The following EPHA5 variants were observed in gnomAD, a reference collection of about 807,000 sequenced individuals.
The protein encoded by EPHA5 is EPH receptor A5.
In EPHA5, 60 loss-of-function variants were observed where a neutral mutation model predicts 105.0. That is an observed-to-expected ratio of 0.57 (90% CI 0.46 to 0.71). EPHA5 has a LOEUF of 0.71. EPHA5 is among the 30% of genes least tolerant of loss of function. The pLI, the probability that EPHA5 is intolerant of heterozygous loss-of-function variation, is 0.00. For synonymous variants in EPHA5, 513 were observed against 449.1 expected, an observed-to-expected ratio of 1.14 and a Z score of -1.80; for missense variants, 1,218 against 1,274.7, an observed-to-expected ratio of 0.96 and a Z score of 0.68.
chr4:65,338,244 T>G (rs1289951934), intron 14 of EPHA5, among the ~76,000 whole-genome samples: 1 of 152,146 alleles, frequency 6.6e-6, no homozygotes, highest in Non-Finnish European at 1.5e-5. Flanking sequence ...TTTATTGGTT[T>G]GCTGATTATA....
chr4:65,415,202 A>G (rs1723276258), intron 6 of EPHA5, among the ~76,000 whole-genome samples: 1 of 152,084 alleles, frequency 6.6e-6, no homozygotes, highest in Non-Finnish European at 1.5e-5. Context: ...TACCACACCA[A>G]CTTTACCATG....
intron 3 of EPHA5, among the ~76,000 whole-genome samples, chr4:65,532,249 T>C (rs1207937968): frequency 6.6e-6 from 1 of 152,138 alleles, no homozygotes; most frequent in East Asian, 1.9e-4. Context: ...CAATTAGTAA[T>C]GGAATTTAAT....
chr4:65,585,597 C>A (rs1026989777), intron 3 of EPHA5, among the ~76,000 whole-genome samples: 1 of 151,174 alleles, frequency 6.6e-6, no homozygotes, highest in African/African-American at 2.4e-5. Context: ...TTTTTGTTTC[C>A]AAGAACAAAG....
chr4:65,530,962 A>G (rs1300935725), intron 3 of EPHA5, among the ~76,000 whole-genome samples: 1 of 151,642 alleles, frequency 6.6e-6, no homozygotes, highest in East Asian at 1.9e-4. Context: ...GCTTCCAGGA[A>G]TTTGCTTTAA....
intron 8 of EPHA5, among the ~76,000 whole-genome samples, chr4:65,388,479 G>A (rs1161012788): frequency 6.6e-6 from 1 of 150,432 alleles, no homozygotes; most frequent in Non-Finnish European, 1.5e-5. Flanking sequence ...TCCAGCACCT[G>A]TTGTTTCCTG....
At chr4:65,623,406 T>C (rs1280467677) in intron 2 of EPHA5, among the ~76,000 whole-genome samples, 1 of 141,244 alleles carries the variant, frequency 7.1e-6, no homozygotes, top group Non-Finnish European at 1.6e-5. Flanking sequence ...TATTGATTAC[T>C]CACTATGCTG....
Position 65,367,422 on chromosome 4 carries a change from C to T in EPHA5, c.1796G>A (p.Arg599Gln), listed in dbSNP as rs769393148. ...VVIGVLLSGRRCGYSKAKQDP... is the reference protein window; with the variant it reads ...VVIGVLLSGRQCGYSKAKQDP... ...TTGTTTTGCTTTGCTGTAGCCACACCGCCTGGAACAAAGTAAGCTAGAATT... is the reference window on the plus strand; with the variant it reads ...TTGTTTTGCTTTGCTGTAGCCACACTGCCTGGAACAAAGTAAGCTAGAATT... The change falls in exon 9 of 17, where the codon CGG becomes CAG. Residue 599 changes from arginine to glutamine, a missense_variant and splice_region_variant. Coordinates refer to ENST00000613740, the MANE Select transcript of EPHA5 (RefSeq NM_001281766.3). 25 of 1,611,628 alleles carry T rather than the reference C, an allele frequency of 1.6e-5. No individual in the cohort carries two copies. The highest frequency in any genetic ancestry group is 3.3e-5 in the Admixed American group (2 of 59,886).
intron 1 of EPHA5, among the ~76,000 whole-genome samples, chr4:65,645,369 T>C (rs907926061): frequency 6.6e-6 from 1 of 151,848 alleles, no homozygotes; most frequent in Admixed American, 6.6e-5. Flanking sequence ...TGAGACAAAG[T>C]AGAGCAAATC....
At chr4:65,414,591 T>C (rs1419872994) in intron 6 of EPHA5, 148 bp from the exon 7 acceptor site, 4 of 844,744 alleles carry the variant, frequency 4.7e-6, no homozygotes, top group Non-Finnish European at 5.4e-6. Flanking sequence ...ATCCTACACA[T>C]CCTAGGTGTG....
chr4:65,435,535 A>G (rs967622408), intron 5 of EPHA5, among the ~76,000 whole-genome samples: 2 of 152,080 alleles, frequency 1.3e-5, no homozygotes, highest in African/African-American at 4.8e-5. Flanking sequence ...AGACTGACAT[A>G]TTCTTGAAAT....
chr4:65,335,998 A>G lies in EPHA5; in HGVS notation c.2723T>C (p.Val908Ala), dbSNP rs756867916. Residue 908 changes from valine to alanine, a missense_variant, in exon 15 of 17, where the codon GTC becomes GCC. Physicochemically the swap from Val to Ala is moderately conservative, Grantham distance 64. Transcript: ENST00000613740. The stretch of plus-strand genomic sequence containing the variant: ...ACGTATCAGCTTGTCCAACATGTTG[A>G]CTATTTCATCAAACTTGGGCCTGCT... ...RNSRPKFDEI[V>A]NMLDKLIRNP... is the part of the protein sequence containing the mutation. The G allele has an allele frequency of 1.9e-6, 3 of 1,613,270 alleles. No individual in the cohort carries two copies. Among genetic ancestry groups the G allele is most frequent in the African/African-American group, 1.3e-5 (1 of 74,910 alleles).
chr4:65,589,661 G>C (rs1026190103), intron 3 of EPHA5, among the ~76,000 whole-genome samples: 3 of 152,148 alleles, frequency 2.0e-5, no homozygotes, highest in African/African-American at 7.2e-5. Context: ...ATGACACACA[G>C]AACCTTCTAA....
chr4:65,425,744 A>G (rs1724374255), intron 5 of EPHA5, among the ~76,000 whole-genome samples: 2 of 152,056 alleles, frequency 1.3e-5, no homozygotes, highest in South Asian at 2.1e-4. Context: ...CCAGTGGCTC[A>G]CTATTGTTGC....
chr4:65,465,512 AAAG>A (rs1400765706), intron 5 of EPHA5, among the ~76,000 whole-genome samples: 22 of 121,348 alleles, frequency 1.8e-4, no homozygotes, highest in Non-Finnish European at 1.8e-4. Context: ...AGAAAGAAAG[AAAG>A]AAAGAAAGAA....
chr4:65,508,351 A>G (rs898455558), intron 3 of EPHA5, among the ~76,000 whole-genome samples: 8 of 152,236 alleles, frequency 5.3e-5, no homozygotes, highest in Middle Eastern at 3.4e-3. Context: ...TAACGCAATA[A>G]AACTTCCATT....
chr4:65,411,010 T>C (rs750002818), intron 7 of EPHA5, among the ~76,000 whole-genome samples: 30 of 152,262 alleles, frequency 2.0e-4, no homozygotes, highest in Non-Finnish European at 3.1e-4. Flanking sequence ...ATGGTTTTAT[T>C]CATGGTAAGT....
intron 3 of EPHA5, among the ~76,000 whole-genome samples, chr4:65,597,910 G>C (rs926950967): frequency 2.0e-5 from 3 of 151,952 alleles, no homozygotes; most frequent in Non-Finnish European, 2.9e-5. Flanking sequence ...AATCTTGAAG[G>C]TTTAGTTTGT....
chr4:65,466,232 G>A (rs1431390563), intron 5 of EPHA5, among the ~76,000 whole-genome samples: 1 of 152,166 alleles, frequency 6.6e-6, no homozygotes, highest in Non-Finnish European at 1.5e-5. Flanking sequence ...GCCAAAGTTG[G>A]GAGAAATGTG....
intron 2 of EPHA5, among the ~76,000 whole-genome samples, chr4:65,630,505 A>G (rs1412593451): frequency 6.6e-6 from 1 of 152,200 alleles, no homozygotes; most frequent in African/African-American, 2.4e-5. Context: ...AAGTATGCCA[A>G]CATATAAAAT....
Sources: gnomAD v4.1 joint callset for allele counts (sites outside exome capture counted in the v4.1 genomes callset) on GRCh38, gnomAD v4.1.1 for gene constraint, MANE v1.5 for transcripts, NCBI Gene and HGNC (gene_info 2026-07-23, HGNC 2026-07-21) for gene names.